The following RABGAP1 variants were observed in gnomAD, a reference collection of about 807,000 sequenced individuals.
RABGAP1 encodes RAB GTPase activating protein 1, also known as rab GTPase-activating protein 1.
RABGAP1 carries 23 observed loss-of-function variants against 137.6 expected under a neutral mutation model. The ratio of observed to expected loss-of-function variants is 0.17; its 90% CI spans 0.12 to 0.24. The LOEUF (loss-of-function observed/expected upper bound fraction) is 0.24. RABGAP1 is among the 10% of genes least tolerant of loss of function. RABGAP1 has a pLI of 1.00. For synonymous variants in RABGAP1, 451 were observed against 450.7 expected (o/e 1.00, Z -0.01); for missense variants, 906 against 1,275.8 (o/e 0.71, Z 4.42).
chr9:123,026,955 C>T (rs570312965), intron 13 of RABGAP1, among the ~76,000 whole-genome samples: 1 of 152,160 alleles, frequency 6.6e-6, no homozygotes, highest in Admixed American at 6.5e-5. Context: ...TCTTTCCTTC[C>T]ATCCACTTGG....
chr9:123,014,117 G>T (rs909192697), intron 11 of RABGAP1, among the ~76,000 whole-genome samples: 12 of 152,140 alleles, frequency 7.9e-5, no homozygotes, highest in Non-Finnish European at 1.6e-4. Flanking sequence ...TCCTGATTCC[G>T]TTTGTAGCAA....
chr9:123,088,388 T>TA (rs576017212), intron 19 of RABGAP1, among the ~76,000 whole-genome samples: 29 of 152,200 alleles, frequency 1.9e-4, no homozygotes, highest in Admixed American at 3.3e-4. Context: ...GTTTTTTTTT[T>TA]AATCACTTTT....
intron 13 of RABGAP1, among the ~76,000 whole-genome samples, chr9:123,044,626 CGTGTGTGT>C (rs68089109): frequency 4.0e-5 from 6 of 148,976 alleles, no homozygotes; most frequent in East Asian, 4.0e-4. Flanking sequence ...AACACACGTA[CGTGTGTGT>C]GTGTGTGTGT....
Position 122,948,111 on chromosome 9 carries a change from T to C in RABGAP1, c.-50+7018T>C, listed in dbSNP as rs543354309. ...CTGAAACTAATGCAATGTGATTTTT[T>C]ATAGCTTCTTTGTACCCTGCTTGTT... On this transcript the variant is annotated intron_variant, in intron 1 of 25. Coordinates refer to ENST00000373647, the MANE Select transcript of RABGAP1 (RefSeq NM_012197.4). Among the ~76,000 whole-genome samples, 17 of 152,214 alleles carry C rather than the reference T, an allele frequency of 1.1e-4. No individual in the cohort carries two copies. In the East Asian group the frequency reaches 3.3e-3, roughly 29 times the overall value.
intron 2 of RABGAP1, among the ~76,000 whole-genome samples, chr9:122,961,689 A>G (rs909505320): frequency 6.6e-6 from 1 of 152,210 alleles, no homozygotes; most frequent in Non-Finnish European, 1.5e-5. Flanking sequence ...GTATCTATAT[A>G]GGCACTTAAT....
chr9:123,098,891 G>A, intron 23 of RABGAP1, 93 bp downstream of exon 23: 1 of 723,248 alleles, frequency 1.4e-6, no homozygotes, highest in Non-Finnish European at 2.3e-6. Flanking sequence ...AAACCCAAAT[G>A]CAAGCACCCT....
chr9:123,093,889 G>T (rs2035103497), intron 21 of RABGAP1, among the ~76,000 whole-genome samples: 1 of 152,210 alleles, frequency 6.6e-6, no homozygotes, highest in Non-Finnish European at 1.5e-5. Flanking sequence ...CTGAACAACA[G>T]TTGAAGCATT....
chr9:123,070,307 G>C lies in RABGAP1; in HGVS notation c.1909-43G>C. ...TATAGTGCCACCATGGCCCACAAGT[G>C]GCTACATTCATTTACATTTCCTCTG... On this transcript the variant is annotated intron_variant, in intron 14 of 25. Coordinates refer to ENST00000373647, the MANE Select transcript of RABGAP1 (RefSeq NM_012197.4). This position sits in a 1 kb window ranked among gnomAD's most constrained non-coding sequence, Gnocchi z 4.4. 6.2e-7 allele frequency: 1 copy of C among 1,612,524 alleles called. No homozygotes were observed. Among genetic ancestry groups the C allele is most frequent in the Non-Finnish European group, 8.5e-7 (1 of 1,179,358 alleles).
chr9:122,932,538 C>CTT, the RABGAP1 span, among the ~76,000 whole-genome samples: 1 of 148,440 alleles, frequency 6.7e-6, no homozygotes, highest in African/African-American at 2.5e-5. Context: ...CTTTTTTTTT[C>CTT]TTTTTTTTGA....
chr9:123,100,098 G>A (rs978039175), intron 24 of RABGAP1, among the ~76,000 whole-genome samples: 13 of 152,160 alleles, frequency 8.5e-5, no homozygotes, highest in Non-Finnish European at 1.5e-4. Context: ...TGGACTCCAG[G>A]TGGGCACCAT....
chr9:123,029,076 AT>A (rs2032150829), intron 13 of RABGAP1, among the ~76,000 whole-genome samples: 1 of 152,148 alleles, frequency 6.6e-6, no homozygotes, highest in African/African-American at 2.4e-5. Context: ...GCAAGAGATA[AT>A]TTCAACTTGG....
At chr9:122,956,967 G>T in intron 1 of RABGAP1, 44 bp from the exon 2 acceptor site, 1 of 1,041,818 alleles carries the variant, frequency 9.6e-7, no homozygotes, top group Non-Finnish European at 1.3e-6. Flanking sequence ...TTGAATATCT[G>T]GCAGACATTC....
intron 13 of RABGAP1, among the ~76,000 whole-genome samples, chr9:123,024,437 CTTT>C (rs1215225013): frequency 5.0e-5 from 7 of 140,144 alleles, no homozygotes; most frequent in Admixed American, 7.2e-5. Context: ...GCCAGCATAT[CTTT>C]TTTTTTTTTT....
intron 21 of RABGAP1, among the ~76,000 whole-genome samples, chr9:123,092,146 G>A (rs2035049903): frequency 6.6e-6 from 1 of 152,192 alleles, no homozygotes; most frequent in Non-Finnish European, 1.5e-5. Context: ...TTTAGTTTGA[G>A]CTGTTGTATT....
At chr9:123,084,682 C>T (rs776937519) in intron 19 of RABGAP1, among the ~76,000 whole-genome samples, 2 of 152,164 alleles carry the variant, frequency 1.3e-5, no homozygotes, top group Non-Finnish European at 2.9e-5. Flanking sequence ...TGATTCAGGA[C>T]GGGATGCCAG....
At chr9:122,935,668 T>C in the RABGAP1 span, among the ~76,000 whole-genome samples, 3 of 152,216 alleles carry the variant, frequency 2.0e-5, no homozygotes, top group Admixed American at 6.5e-5. Context: ...TGCATTTCAC[T>C]TTTAAATCAG....
chr9:123,020,148 A>T (rs74578459), intron 12 of RABGAP1, among the ~76,000 whole-genome samples, 161 bp from the exon 13 acceptor site: 8 of 151,150 alleles, frequency 5.3e-5, no homozygotes, highest in Non-Finnish European at 8.8e-5. Context: ...TCTCTTAGTT[A>T]TCTTGGCCTC....
chr9:123,033,004 C>T (rs771713628), intron 13 of RABGAP1, among the ~76,000 whole-genome samples: 6 of 152,096 alleles, frequency 3.9e-5, no homozygotes, highest in East Asian at 1.9e-4. Context: ...AAAATTATAG[C>T]GTAGTGTCAA....
At chr9:123,077,614 G>GTATTGTATTA (rs1263049798) in intron 19 of RABGAP1, among the ~76,000 whole-genome samples, 1 of 25,258 alleles carries the variant, frequency 4.0e-5, no homozygotes, top group Non-Finnish European at 7.2e-5. Flanking sequence ...TCATAACATT[G>GTATTGTATTA]TATTGTATTG....
Sources: allele counts gnomAD v4.1 joint callset (sites outside exome capture counted in the v4.1 genomes callset), GRCh38; gene constraint gnomAD v4.1.1; non-coding constraint Gnocchi (gnomAD v3.1); transcripts MANE v1.5; gene names NCBI Gene and HGNC (gene_info 2026-07-23, HGNC 2026-07-21).